Variants in IL1RAPL1 observed in about 807,000 individuals in gnomAD.
IL1RAPL1 encodes the protein interleukin-1 receptor accessory protein-like 1.
In IL1RAPL1, 3 loss-of-function variants were observed where a neutral mutation model predicts 48.4. The observed-to-expected ratio is 0.06, with a 90% CI of 0.03 to 0.16. IL1RAPL1 has a LOEUF of 0.16. IL1RAPL1 is among the 10% of genes least tolerant of loss of function. The probability of loss-of-function intolerance (pLI) is 1.00; values close to 1 mark genes in which losing one functional copy is unlikely to be tolerated. For missense variants in IL1RAPL1, 349 were observed against 530.6 expected, an observed-to-expected ratio of 0.66 and a Z score of 3.36; for synonymous variants, 185 against 187.7, an observed-to-expected ratio of 0.99 and a Z score of 0.12.
intron 5 of IL1RAPL1, among the ~76,000 whole-genome samples, chrX:29,613,889 G>A (rs1367101823): frequency 5.7e-5 from 6 of 104,708 alleles, no homozygotes; most frequent in Middle Eastern, 4.7e-3. Flanking sequence ...TCAGCCTCCC[G>A]AGTAGCTGGG....
chrX:29,393,266 C>A (rs1933878384), intron 3 of IL1RAPL1, among the ~76,000 whole-genome samples: 1 of 111,577 alleles, frequency 9.0e-6, no homozygotes, highest in African/African-American at 3.3e-5. Context: ...GGACTACAGG[C>A]GCCCGCCACC....
At chrX:28,692,780 G>T (rs1935192579) in intron 1 of IL1RAPL1, among the ~76,000 whole-genome samples, 1 of 111,859 alleles carries the variant, frequency 8.9e-6, no homozygotes, top group African/African-American at 3.2e-5. Flanking sequence ...AATACTATGT[G>T]AAAACAATGT....
chrX:28,921,861 G>A (rs993058042), intron 2 of IL1RAPL1, among the ~76,000 whole-genome samples: 10 of 112,085 alleles, frequency 8.9e-5, no homozygotes, highest in Non-Finnish European at 1.7e-4. Flanking sequence ...ACTAACCAAC[G>A]TATCAAAGTG....
At chrX:29,701,350 A>G (rs1279851156) in intron 6 of IL1RAPL1, among the ~76,000 whole-genome samples, 1 of 112,327 alleles carries the variant, frequency 8.9e-6, no homozygotes, top group Non-Finnish European at 1.9e-5. Flanking sequence ...ATAGGCGAAT[A>G]TGAATAAAGA....
intron 6 of IL1RAPL1, among the ~76,000 whole-genome samples, chrX:29,770,108 A>G (rs758985865): frequency 8.9e-6 from 1 of 112,322 alleles, no homozygotes; most frequent in African/African-American, 3.2e-5. Flanking sequence ...TTGCTTTTCT[A>G]TATGACTGAC....
chrX:29,080,239 C>T (rs760999383), intron 2 of IL1RAPL1, among the ~76,000 whole-genome samples: 1 of 108,914 alleles, frequency 9.2e-6, no homozygotes, highest in Non-Finnish European at 1.9e-5. Flanking sequence ...ATTAGTTGAC[C>T]GTGGTGGTGC....
chrX:29,915,618 T>C (rs1056436548), intron 6 of IL1RAPL1, among the ~76,000 whole-genome samples: 3 of 109,182 alleles, frequency 2.7e-5, no homozygotes, highest in Non-Finnish European at 5.7e-5. Flanking sequence ...ATACGTACTA[T>C]CAACTCATAG....
chrX:28,814,341 T>TGTG (rs1555926294), intron 2 of IL1RAPL1, among the ~76,000 whole-genome samples: 7 of 89,750 alleles, frequency 7.8e-5, no homozygotes, highest in Non-Finnish European at 1.3e-4. Flanking sequence ...ATTTTCAGGT[T>TGTG]TGTGTGTGTG....
chrX:28,610,808 A>C (rs988766007), intron 1 of IL1RAPL1, among the ~76,000 whole-genome samples: 1 of 110,877 alleles, frequency 9.0e-6, no homozygotes, highest in African/African-American at 3.3e-5. Flanking sequence ...CGGTGGAGCC[A>C]AGATTCTGCA....
chrX:29,515,824 C>A (rs1053172323), intron 5 of IL1RAPL1, among the ~76,000 whole-genome samples: 3 of 111,055 alleles, frequency 2.7e-5, no homozygotes, highest in Non-Finnish European at 3.8e-5. Context: ...GAAGCTGGGA[C>A]TACAGGCATG....
At chrX:29,740,122 G>GAAAAAAAAAAAAAAAAAAAAAAAA (rs1172511347) in intron 6 of IL1RAPL1, among the ~76,000 whole-genome samples, 2 of 52,303 alleles carry the variant, frequency 3.8e-5, no homozygotes, top group African/African-American at 1.3e-4. Flanking sequence ...CAAAAAAACA[G>GAAAAAAAAAAAAAAAAAAAAAAAA]AAAAAAAAAA....
intron 2 of IL1RAPL1, among the ~76,000 whole-genome samples, chrX:29,049,689 A>G (rs1396144992): frequency 8.9e-6 from 1 of 112,485 alleles, no homozygotes; most frequent in Non-Finnish European, 1.9e-5. Context: ...AGCACTCATT[A>G]TGTGCCTGAC....
chrX:28,693,485 ATTG>A (rs974912426), intron 1 of IL1RAPL1, among the ~76,000 whole-genome samples: 13 of 112,258 alleles, frequency 1.2e-4, no homozygotes, highest in Middle Eastern at 9.2e-3. Context: ...CCAGGGTTAA[ATTG>A]TTGATTATTA....
intron 3 of IL1RAPL1, among the ~76,000 whole-genome samples, chrX:29,344,137 G>T (rs751543752): frequency 1.1e-4 from 12 of 112,176 alleles, no homozygotes; most frequent in Admixed American, 6.6e-4. Flanking sequence ...CCAAATGCAA[G>T]TTGTAAATCT....
intron 5 of IL1RAPL1, among the ~76,000 whole-genome samples, chrX:29,553,848 T>C (rs1211487509): frequency 1.8e-5 from 2 of 110,776 alleles, no homozygotes; most frequent in East Asian, 5.7e-4. Context: ...CTGACTCTCA[T>C]ACTAATCCAC....
chrX:29,656,841 T>G (rs767707938), intron 5 of IL1RAPL1, among the ~76,000 whole-genome samples: 3 of 111,613 alleles, frequency 2.7e-5, no homozygotes, highest in Non-Finnish European at 5.6e-5. Flanking sequence ...AACCTCTTGA[T>G]TTTCAGTTGT....
intron 6 of IL1RAPL1, among the ~76,000 whole-genome samples, chrX:29,812,899 GA>G (rs1366792979): frequency 3.6e-5 from 4 of 110,569 alleles, no homozygotes; most frequent in African/African-American, 1.3e-4. Context: ...ATTGTGAGGT[GA>G]AAAAAAATTC....
chrX:28,989,579 G>A (rs1376191530), intron 2 of IL1RAPL1, among the ~76,000 whole-genome samples: 42 of 112,042 alleles, frequency 3.7e-4, no homozygotes, highest in Admixed American at 3.7e-3. Context: ...CATATACAAG[G>A]TTCAATGAAA....
At chrX:29,891,685 A>G (rs1932277662) in intron 6 of IL1RAPL1, among the ~76,000 whole-genome samples, 1 of 111,726 alleles carries the variant, frequency 9.0e-6, no homozygotes, top group African/African-American at 3.3e-5. Context: ...TAACAGTTTG[A>G]GTTGGATGGC....
Sources: allele counts gnomAD v4.1 joint callset (sites outside exome capture counted in the v4.1 genomes callset), GRCh38; gene constraint gnomAD v4.1.1; transcripts MANE v1.5; gene names NCBI Gene and HGNC (gene_info 2026-07-23, HGNC 2026-07-21).